The following ZSWIM6 variants were observed in gnomAD, a reference collection of about 807,000 sequenced individuals.
The protein encoded by ZSWIM6 is zinc finger SWIM domain-containing protein 6.
Under a neutral mutation model 113.2 loss-of-function variants are expected in ZSWIM6, and 9 were observed. That is an observed-to-expected ratio of 0.08 (90% CI 0.05 to 0.14). The LOEUF is 0.14. ZSWIM6 is among the 10% of genes least tolerant of loss of function. The probability of loss-of-function intolerance (pLI) is 1.00; values close to 1 mark genes in which losing one functional copy is unlikely to be tolerated. For synonymous variants in ZSWIM6, 611 were observed against 606.5 expected (o/e 1.01, Z -0.11); for missense variants, 1,162 against 1,552.2 (o/e 0.75, Z 4.22).
intron 4 of ZSWIM6, among the ~76,000 whole-genome samples, chr5:61,512,928 C>T (rs1247586369): frequency 6.6e-6 from 1 of 151,836 alleles, no homozygotes; most frequent in Admixed American, 6.6e-5. Flanking sequence ...ATCAATATCC[C>T]CCACCAGAGT....
chr5:61,457,843 A>G (rs561565939), intron 1 of ZSWIM6, among the ~76,000 whole-genome samples: 3 of 152,244 alleles, frequency 2.0e-5, no homozygotes, highest in South Asian at 4.1e-4. Context: ...TTTGACTAGT[A>G]TCTGATGATA....
intron 1 of ZSWIM6, among the ~76,000 whole-genome samples, chr5:61,423,064 T>C (rs1746386484): frequency 6.6e-6 from 1 of 152,190 alleles, no homozygotes; most frequent in Non-Finnish European, 1.5e-5. Flanking sequence ...TTTCTTTTTC[T>C]TTCTCTTGTC....
At chr5:61,373,412 C>G (rs546301984) in intron 1 of ZSWIM6, among the ~76,000 whole-genome samples, 10 of 130,632 alleles carry the variant, frequency 7.7e-5, no homozygotes, top group African/African-American at 2.7e-4. Flanking sequence ...GAGTCTCGCT[C>G]TGTCGCCCAG....
At chr5:61,383,864 A>G (rs988795415) in intron 1 of ZSWIM6, among the ~76,000 whole-genome samples, 8 of 151,822 alleles carry the variant, frequency 5.3e-5, no homozygotes, top group Admixed American at 5.2e-4. Flanking sequence ...TTTCTTATAC[A>G]TGCTAATACC....
chr5:61,336,135 G>A (rs1036283934), intron 1 of ZSWIM6, among the ~76,000 whole-genome samples: 1 of 152,076 alleles, frequency 6.6e-6, no homozygotes, highest in Non-Finnish European at 1.5e-5. Context: ...ATGGTGGTAC[G>A]CATCTGTGGT....
At chr5:61,335,409 A>G (rs1021476708) in intron 1 of ZSWIM6, among the ~76,000 whole-genome samples, 4 of 152,252 alleles carry the variant, frequency 2.6e-5, no homozygotes, top group Admixed American at 2.0e-4. Context: ...GGCAGCTGGC[A>G]CTGAGAGATA....
chr5:61,332,536 G>C lies in ZSWIM6; in HGVS notation c.264G>C (p.Lys88Asn). Residue 88 changes from lysine to asparagine, a missense_variant, in exon 1 of 14, where the codon AAG becomes AAC. Lys to Asn is a moderately conservative substitution (Grantham distance 94, BLOSUM62 0). Around this residue, in one of 4 missense-constraint regions of ZSWIM6, gnomAD observed 333 missense variants for 293.4 expected, o/e 1.13. Transcript: ENST00000252744. ...LDIAARRVAE[K>N]WPFQRVEERF... ...TCGCGGCGCGCAGGGTGGCGGAGAA[G>C]TGGCCGTTCCAGCGCGTGGAGGAGC... is the stretch of plus-strand genomic sequence containing the variant. The C allele has an allele frequency of 8.2e-6, 11 of 1,346,518 alleles. No individual in the cohort carries two copies. Among genetic ancestry groups the C allele is most frequent in the Non-Finnish European group, 1.1e-5 (11 of 1,021,154 alleles). 83.4% of individuals were successfully genotyped at this position (1,346,518 alleles called of 1,614,324 possible). A position where few individuals can be genotyped will look rare whatever the true frequency, so the allele number is the denominator to read the frequency against.
At chr5:61,512,646 T>A (rs1025423959) in intron 4 of ZSWIM6, among the ~76,000 whole-genome samples, 30 of 152,104 alleles carry the variant, frequency 2.0e-4, no homozygotes, top group South Asian at 2.1e-4. Context: ...AGGTTAAAAA[T>A]TTTTTTTATA....
At chr5:61,487,470 A>G (rs1748051278) in intron 2 of ZSWIM6, among the ~76,000 whole-genome samples, 1 of 152,078 alleles carries the variant, frequency 6.6e-6, no homozygotes, top group South Asian at 2.1e-4. Context: ...TTGAATCTGT[A>G]GATTGCTTTG....
At chr5:61,411,567 A>G (rs528361260) in intron 1 of ZSWIM6, among the ~76,000 whole-genome samples, 1 of 152,354 alleles carries the variant, frequency 6.6e-6, no homozygotes, top group East Asian at 1.9e-4. Flanking sequence ...GTGTTAATCC[A>G]CTCAGGCTCC....
At chr5:61,490,569 G>T (rs1054424946) in intron 2 of ZSWIM6, among the ~76,000 whole-genome samples, 1 of 152,004 alleles carries the variant, frequency 6.6e-6, no homozygotes, top group Admixed American at 6.6e-5. Context: ...CTAAAAAATA[G>T]AAATATCTCA....
At chr5:61,518,943 T>C (rs367922385) in intron 4 of ZSWIM6, among the ~76,000 whole-genome samples, 2,528 of 152,104 alleles carry the variant, frequency 0.017, 26 homozygotes, top group Non-Finnish European at 0.026. Context: ...AAGTCTTTAA[T>C]CCATCTTGAA....
chr5:61,492,057 A>G (rs1748194086), intron 3 of ZSWIM6, among the ~76,000 whole-genome samples: 1 of 152,092 alleles, frequency 6.6e-6, no homozygotes, highest in African/African-American at 2.4e-5. Flanking sequence ...CTCCGTGTCA[A>G]CAGTCTGAAA....
chr5:61,447,785 T>A (rs1302979494), intron 1 of ZSWIM6, among the ~76,000 whole-genome samples: 6 of 152,174 alleles, frequency 3.9e-5, no homozygotes. Context: ...AGACAGTGAG[T>A]ATTGCCAGGG....
chr5:61,363,454 C>T (rs1303903538), intron 1 of ZSWIM6, among the ~76,000 whole-genome samples: 4 of 152,180 alleles, frequency 2.6e-5, no homozygotes, highest in African/African-American at 9.7e-5. Flanking sequence ...GCTGAGTTCA[C>T]AAAAGGCTGA....
intron 1 of ZSWIM6, among the ~76,000 whole-genome samples, chr5:61,446,167 C>T (rs1414794354): frequency 6.6e-6 from 1 of 152,196 alleles, no homozygotes; most frequent in African/African-American, 2.4e-5. Flanking sequence ...GCTGGGACTA[C>T]AGACGCTCCA....
chr5:61,471,979 T>C (rs1236676796), intron 1 of ZSWIM6, among the ~76,000 whole-genome samples: 1 of 152,100 alleles, frequency 6.6e-6, no homozygotes, highest in Non-Finnish European at 1.5e-5. Flanking sequence ...ATAGCTTTCC[T>C]CTGTATGTGA....
intron 1 of ZSWIM6, among the ~76,000 whole-genome samples, chr5:61,419,114 G>A (rs1013944529): frequency 3.3e-5 from 5 of 152,236 alleles, no homozygotes; most frequent in African/African-American, 9.6e-5. Flanking sequence ...GAGCCACCAC[G>A]CCCGGCCTCC....
intron 1 of ZSWIM6, among the ~76,000 whole-genome samples, chr5:61,408,603 GAA>G (rs1746087615): frequency 6.6e-6 from 1 of 152,188 alleles, no homozygotes; most frequent in African/African-American, 2.4e-5. Flanking sequence ...ACCAAGTTCT[GAA>G]GTTTGCTTCG....
Sources: gnomAD v4.1 joint callset for allele counts (sites outside exome capture counted in the v4.1 genomes callset) on GRCh38, gnomAD v4.1.1 for gene constraint, gnomAD v4.1.1 regional missense constraint, MANE v1.5 for transcripts, NCBI Gene and HGNC (gene_info 2026-07-23, HGNC 2026-07-21) for gene names.